CENPK: variants seen among roughly 807,000 people sequenced by gnomAD.
CENPK encodes SoxLZ/Sox6-binding protein Solt.
In CENPK, 46 loss-of-function variants were observed where a neutral mutation model predicts 40.9. The ratio of observed to expected loss-of-function variants is 1.13; its 90% CI spans 0.89 to 1.44. The LOEUF (loss-of-function observed/expected upper bound fraction) is 1.44, where lower values mean the gene tolerates loss of function less well. CENPK is among the 40% of genes most tolerant of loss of function. The pLI is 0.00. For missense variants in CENPK, 288 were observed against 303.5 expected (o/e 0.95, Z 0.38); for synonymous variants, 107 against 104.4 (o/e 1.02, Z -0.15).
downstream of CENPK, among the ~76,000 whole-genome samples, chr5:65,515,508 T>C (rs944409162): frequency 6.6e-6 from 1 of 152,174 alleles, no homozygotes; most frequent in Non-Finnish European, 1.5e-5. Context: ...CAGCCGCATC[T>C]CACAAATTTT....
At position 65,527,953 on chromosome 5, in the gene CENPK, C is replaced by T. The variant is rs1023825836; in HGVS notation, c.597+499G>A. Among the ~76,000 whole-genome samples the T allele has an allele frequency of 4.6e-5, 7 of 152,124 alleles. 1 individual carries two copies. In the South Asian group the frequency reaches 6.2e-4, roughly 14 times the overall value. On this transcript the variant is annotated intron_variant, in intron 9 of 10. Coordinates refer to ENST00000396679, the MANE Select transcript of CENPK (RefSeq NM_022145.5). ...ACATAAGAAATATACTCTGGCTGGG[C>T]GCAGTGGCTCACACCTGTAATCCTA...
At chr5:65,502,406 T>C in the CENPK span, among the ~76,000 whole-genome samples, 1 of 152,182 alleles carries the variant, frequency 6.6e-6, no homozygotes, top group Non-Finnish European at 1.5e-5. Flanking sequence ...TTTCCTAACA[T>C]GTATATTACA....
the CENPK span, among the ~76,000 whole-genome samples, chr5:65,501,268 T>C: frequency 7.6e-6 from 1 of 131,524 alleles, no homozygotes; most frequent in Non-Finnish European, 1.6e-5. Flanking sequence ...CACATCCACC[T>C]CCCGTGTTCC....
intron 6 of CENPK, among the ~76,000 whole-genome samples, chr5:65,529,966 A>C (rs910867737): frequency 6.6e-6 from 1 of 150,506 alleles, no homozygotes; most frequent in African/African-American, 2.4e-5. Context: ...CACCACGCCC[A>C]GCTAATTTTT....
At chr5:65,532,925 A>AT in intron 6 of CENPK, among the ~76,000 whole-genome samples, 1 of 150,946 alleles carries the variant, frequency 6.6e-6, no homozygotes, top group South Asian at 2.1e-4. Context: ...AAAAAAAAAA[A>AT]AAAAAAAAAA....
chr5:65,545,472 C>T (rs934890566), intron 5 of CENPK, among the ~76,000 whole-genome samples: 2 of 151,600 alleles, frequency 1.3e-5, no homozygotes, highest in Admixed American at 6.6e-5. Flanking sequence ...TTTTTAAGTG[C>T]TAAAAGAAAA....
chr5:65,538,425 A>G (rs1747351981), intron 6 of CENPK, among the ~76,000 whole-genome samples: 1 of 152,170 alleles, frequency 6.6e-6, no homozygotes, highest in East Asian at 1.9e-4. Context: ...ATTATTACTT[A>G]GAAATATTTT....
intron 5 of CENPK, among the ~76,000 whole-genome samples, chr5:65,544,552 G>A (rs1023977812): frequency 1.3e-5 from 2 of 152,062 alleles, no homozygotes; most frequent in Non-Finnish European, 2.9e-5. Flanking sequence ...AGAATTGAAC[G>A]CAGGGCCTCA....
downstream of CENPK, among the ~76,000 whole-genome samples, chr5:65,515,207 T>A (rs1243173609): frequency 2.1e-5 from 3 of 143,200 alleles, no homozygotes; most frequent in Non-Finnish European, 3.1e-5. Context: ...CAAAAAAATT[T>A]TTTTTTTTTT....
chr5:65,529,060 C>T lies in CENPK; in HGVS notation c.372-43G>A, dbSNP rs143054455. The T allele has an allele frequency of 7.1e-4, 1,093 of 1,547,308 alleles. 6 individuals carry two copies. In the African/African-American group the frequency reaches 0.012, roughly 17 times the overall value. On this transcript the variant is annotated intron_variant, in intron 7 of 10. Coordinates refer to ENST00000396679, the MANE Select transcript of CENPK (RefSeq NM_022145.5). ...CAATACAAGCAATATCTAAATAAAACTTTAAATGTCACTTAATATATATGA... is the reference window on the plus strand; with the variant it reads ...CAATACAAGCAATATCTAAATAAAATTTTAAATGTCACTTAATATATATGA...
intron 9 of CENPK, among the ~76,000 whole-genome samples, chr5:65,526,821 G>T (rs1744789929): frequency 6.6e-6 from 1 of 152,094 alleles, no homozygotes; most frequent in African/African-American, 2.4e-5. Context: ...GGTCAGGTGT[G>T]GTGGTTCACA....
At chr5:65,536,707 TTATTA>T (rs1187661524) in intron 6 of CENPK, among the ~76,000 whole-genome samples, 1 of 141,480 alleles carries the variant, frequency 7.1e-6, no homozygotes, top group Non-Finnish European at 1.7e-5. Flanking sequence ...ATTATTTATT[TTATTA>T]TTTCTTGCCT....
At chr5:65,552,466 A>T in intron 4 of CENPK, 27 bp downstream of exon 4, 1 of 1,435,920 alleles carries the variant, frequency 7.0e-7, no homozygotes, top group Non-Finnish European at 9.4e-7. Flanking sequence ...CTTACCTTGT[A>T]TTTTTTAGGA....
intron 9 of CENPK, among the ~76,000 whole-genome samples, chr5:65,522,572 G>A (rs1270962510): frequency 6.6e-6 from 1 of 152,058 alleles, no homozygotes; most frequent in Admixed American, 6.6e-5. Context: ...GGGACTATAA[G>A]CACATGCCAC....
At chr5:65,509,800 G>T in the CENPK span, among the ~76,000 whole-genome samples, 2 of 152,172 alleles carry the variant, frequency 1.3e-5, no homozygotes. Flanking sequence ...AACAGCTCAT[G>T]CTCACTTTGT....
chr5:65,520,542 TAC>T (rs1271082894), intron 10 of CENPK, among the ~76,000 whole-genome samples: 5 of 152,174 alleles, frequency 3.3e-5, no homozygotes, highest in Admixed American at 2.0e-4. Context: ...CATGAGAAAC[TAC>T]AGTCATCTTA....
the CENPK span, among the ~76,000 whole-genome samples, chr5:65,504,217 A>G: frequency 6.6e-6 from 1 of 151,520 alleles, no homozygotes; most frequent in South Asian, 2.1e-4. Context: ...GCACTTTGGG[A>G]GGCCAAGGTG....
intron 3 of CENPK, 59 bp from the exon 4 acceptor site, chr5:65,552,608 T>C: frequency 2.9e-6 from 3 of 1,021,984 alleles, no homozygotes; most frequent in Non-Finnish European, 4.3e-6. Context: ...AAAATTCCCT[T>C]CCCCTCTCCT....
At chr5:65,532,120 A>G (rs1019123161) in intron 6 of CENPK, among the ~76,000 whole-genome samples, 2 of 152,220 alleles carry the variant, frequency 1.3e-5, no homozygotes, top group Non-Finnish European at 2.9e-5. Flanking sequence ...CAATCTTGTC[A>G]CTAAATTTGA....
Sources: gnomAD v4.1 joint callset for allele counts (sites outside exome capture counted in the v4.1 genomes callset) on GRCh38, gnomAD v4.1.1 for gene constraint, MANE v1.5 for transcripts, NCBI Gene and HGNC (gene_info 2026-07-23, HGNC 2026-07-21) for gene names.